DMD: variants seen among roughly 807,000 people sequenced by gnomAD.
The protein encoded by DMD is mutant dystrophin.
DMD carries 63 observed loss-of-function variants against 330.1 expected under a neutral mutation model. That is an observed-to-expected ratio of 0.19 (90% CI 0.16 to 0.24). DMD has a LOEUF of 0.24. DMD is among the 10% of genes least tolerant of loss of function. The probability of loss-of-function intolerance (pLI) is 1.00; values close to 1 mark genes in which losing one functional copy is unlikely to be tolerated. For missense variants in DMD, 3,344 were observed against 2,684.1 expected, an observed-to-expected ratio of 1.25 and a Z score of -5.43; for synonymous variants, 1,223 against 959.8, an observed-to-expected ratio of 1.27 and a Z score of -5.07.
chrX:32,384,725 C>T (rs867013169), intron 33 of DMD, among the ~76,000 whole-genome samples: 4 of 110,684 alleles, frequency 3.6e-5, no homozygotes, highest in Non-Finnish European at 7.6e-5. Flanking sequence ...TTAGCTATTT[C>T]TCAAACATGG....
chrX:31,570,070 T>A (rs1039697920), intron 55 of DMD, among the ~76,000 whole-genome samples: 12 of 111,383 alleles, frequency 1.1e-4, no homozygotes, highest in African/African-American at 3.6e-4. Flanking sequence ...TGTTTCAGGA[T>A]CCAATCCAGA....
chrX:32,035,152 T>G (rs1357143189), intron 44 of DMD, among the ~76,000 whole-genome samples: 1 of 111,733 alleles, frequency 8.9e-6, no homozygotes, highest in Non-Finnish European at 1.9e-5. Context: ...TTATTTTAGG[T>G]GTGTTTATAA....
intron 66 of DMD, among the ~76,000 whole-genome samples, chrX:31,206,003 T>C (rs1159294676): frequency 1.8e-5 from 2 of 112,724 alleles, no homozygotes; most frequent in African/African-American, 3.2e-5. Flanking sequence ...AATTTGGTTT[T>C]ACAGTTTTTA....
chrX:32,148,910 G>T (rs1373359905), intron 44 of DMD, among the ~76,000 whole-genome samples: 1 of 111,396 alleles, frequency 9.0e-6, no homozygotes, highest in Non-Finnish European at 1.9e-5. Context: ...TTGCTAAAAT[G>T]GTTTCCGAGC....
chrX:32,122,336 A>G (rs2096640229), intron 44 of DMD, among the ~76,000 whole-genome samples: 1 of 111,909 alleles, frequency 8.9e-6, no homozygotes, highest in Non-Finnish European at 1.9e-5. Flanking sequence ...CTAACCTAGC[A>G]ATCTGTGGTA....
intron 26 of DMD, among the ~76,000 whole-genome samples, chrX:32,450,365 T>G (rs2098324991): frequency 9.0e-6 from 1 of 111,462 alleles, no homozygotes. Context: ...ATAGAATGCT[T>G]AACTTCACCG....
intron 9 of DMD, among the ~76,000 whole-genome samples, chrX:32,673,137 T>C (rs1222162915): frequency 9.0e-6 from 1 of 111,220 alleles, no homozygotes; most frequent in East Asian, 2.8e-4. Context: ...TTCTAGTTTA[T>C]ATGGACTTTG....
At chrX:31,250,374 C>T (rs2049228955) in intron 63 of DMD, among the ~76,000 whole-genome samples, 1 of 111,627 alleles carries the variant, frequency 9.0e-6, no homozygotes, top group Non-Finnish European at 1.9e-5. Context: ...AGGAGAGCTA[C>T]CAAGTGGGAA....
chrX:31,569,272 TTC>T (rs2085425073), intron 55 of DMD, among the ~76,000 whole-genome samples: 1 of 110,769 alleles, frequency 9.0e-6, no homozygotes, highest in African/African-American at 3.3e-5. Context: ...TAGCAAGAAA[TTC>T]TTTGTTTTCC....
intron 63 of DMD, among the ~76,000 whole-genome samples, chrX:31,252,119 G>A (rs780039067): frequency 8.9e-6 from 1 of 112,507 alleles, no homozygotes; most frequent in South Asian, 3.7e-4. Flanking sequence ...TGATTTGGAA[G>A]TTACATTTCT....
chrX:31,884,328 A>T (rs2094120906), intron 47 of DMD, among the ~76,000 whole-genome samples: 1 of 111,965 alleles, frequency 8.9e-6, no homozygotes, highest in South Asian at 3.7e-4. Context: ...GAAAGAAAGA[A>T]ATCCTGTCAT....
intron 55 of DMD, among the ~76,000 whole-genome samples, chrX:31,577,576 A>G (rs1273874160): frequency 8.9e-6 from 1 of 112,416 alleles, no homozygotes. Flanking sequence ...TGAAAAGGTT[A>G]AAGAAAGGCA....
At chrX:32,767,848 A>G (rs1305908605) in intron 7 of DMD, among the ~76,000 whole-genome samples, 1 of 111,871 alleles carries the variant, frequency 8.9e-6, no homozygotes, top group Non-Finnish European at 1.9e-5. Context: ...CCTGATGCTC[A>G]TCTATATATA....
At chrX:32,095,185 C>T (rs762525698) in intron 44 of DMD, among the ~76,000 whole-genome samples, 2 of 111,396 alleles carry the variant, frequency 1.8e-5, no homozygotes, top group East Asian at 5.7e-4. Context: ...AGGGCCCTGT[C>T]TTTTTGAATC....
intron 62 of DMD, among the ~76,000 whole-genome samples, chrX:31,284,677 G>T (rs1281968755): frequency 9.4e-6 from 1 of 106,082 alleles, no homozygotes; most frequent in Non-Finnish European, 1.9e-5. Context: ...CTCAAGCAAT[G>T]CTCCCACCTC....
At chrX:33,203,099 A>T (rs894324999) in intron 1 of DMD, among the ~76,000 whole-genome samples, 1 of 111,562 alleles carries the variant, frequency 9.0e-6, no homozygotes, top group Non-Finnish European at 1.9e-5. Context: ...TATTTTTACC[A>T]TTTTTGCAGA....
intron 2 of DMD, among the ~76,000 whole-genome samples, chrX:33,017,210 C>A (rs750678787): frequency 1.4e-4 from 16 of 111,741 alleles, no homozygotes; most frequent in South Asian, 1.1e-3. Flanking sequence ...GACGCCACAA[C>A]AACAAGGATA....
Position 32,643,337 on chromosome X carries a change from CTT to C in DMD, c.1331+793_1331+794del, listed in dbSNP as rs78609842. ...GCATATCTAATGAGTTTCCTTGGTC[CTT>C]TTTTTTTTTTAACGCTTTTGAACTT... On this transcript the variant is annotated intron_variant, in intron 11 of 78. Transcript: ENST00000357033. 9.9e-5 allele frequency among the ~76,000 whole-genome samples: 10 copies of C among 101,000 alleles called. No individual in the cohort carries two copies. In the East Asian group the frequency reaches 1.5e-3, roughly 15 times the overall value. 87.7% of individuals were successfully genotyped at this position (101,000 alleles called of 115,157 possible). A position where few individuals can be genotyped will look rare whatever the true frequency, so the allele number is the denominator to read the frequency against.
intron 76 of DMD, among the ~76,000 whole-genome samples, chrX:31,143,815 T>C (rs1349434021): frequency 8.9e-6 from 1 of 111,857 alleles, no homozygotes; most frequent in African/African-American, 3.3e-5. Flanking sequence ...CACTAAAATA[T>C]GTAACTTAGT....
Sources: gnomAD v4.1 joint callset for allele counts (sites outside exome capture counted in the v4.1 genomes callset) on GRCh38, gnomAD v4.1.1 for gene constraint, MANE v1.5 for transcripts, NCBI Gene and HGNC (gene_info 2026-07-23, HGNC 2026-07-21) for gene names.